ATM: variants seen among roughly 807,000 people sequenced by gnomAD.
The protein encoded by ATM is ATM serine/threonine kinase, also known as serine-protein kinase ATM.
A neutral mutation model predicts 387.0 loss-of-function variants in ATM; 308 were observed. That is an observed-to-expected ratio of 0.80 (90% CI 0.73 to 0.87). The LOEUF (loss-of-function observed/expected upper bound fraction) is 0.87, where lower values mean the gene tolerates loss of function less well. Ranked by LOEUF, ATM falls within the 40% of genes least tolerant of loss-of-function variation. ATM has a pLI of 0.00. For synonymous variants in ATM, 1,156 were observed against 1,187.3 expected, an observed-to-expected ratio of 0.97 and a Z score of 0.54; for missense variants, 3,312 against 3,560.9, an observed-to-expected ratio of 0.93 and a Z score of 1.78.
At chr11:108,274,088 G>C (rs909004887) in intron 22 of ATM, among the ~76,000 whole-genome samples, 1 of 152,112 alleles carries the variant, frequency 6.6e-6, no homozygotes, top group Non-Finnish European at 1.5e-5. Flanking sequence ...ACTTCTTCCT[G>C]CTTTAGTTGG....
At chr11:108,263,944 C>G (rs1219353494) in intron 16 of ATM, among the ~76,000 whole-genome samples, 19 of 148,974 alleles carry the variant, frequency 1.3e-4, no homozygotes, top group Admixed American at 3.3e-4. Flanking sequence ...GAAGTTGAAT[C>G]TCTGAATAGA....
intron 56 of ATM, among the ~76,000 whole-genome samples, chr11:108,337,197 A>T (rs768531107): frequency 2.0e-5 from 3 of 152,242 alleles, no homozygotes; most frequent in Non-Finnish European, 4.4e-5. Flanking sequence ...GACTAAATAT[A>T]AAACTTATTG....
At chr11:108,279,998 A>G (rs1221812323) in intron 23 of ATM, among the ~76,000 whole-genome samples, 5 of 152,218 alleles carry the variant, frequency 3.3e-5, no homozygotes, top group African/African-American at 1.2e-4. Context: ...TGGTGTTTAC[A>G]GTGAAACTTG....
intron 22 of ATM, among the ~76,000 whole-genome samples, chr11:108,278,141 C>T (rs546921027): frequency 3.3e-5 from 5 of 152,202 alleles, no homozygotes; most frequent in African/African-American, 1.2e-4. Flanking sequence ...CTATATTGTT[C>T]AGCAGTCACA....
chr11:108,229,903 G>T, intron 4 of ATM: 1 of 150,456 alleles, frequency 6.6e-6, no homozygotes, highest in South Asian at 2.0e-4. Flanking sequence ...GGCTGATCTT[G>T]AACTCCTGGC....
At chr11:108,269,056 A>G (rs967140741) in intron 18 of ATM, among the ~76,000 whole-genome samples, 2 of 152,188 alleles carry the variant, frequency 1.3e-5, no homozygotes, top group Admixed American at 6.5e-5. Flanking sequence ...CTCTCTCCAC[A>G]CACACACTCA....
At chr11:108,356,853 C>CT (rs2089998771) in intron 61 of ATM, among the ~76,000 whole-genome samples, 1 of 152,182 alleles carries the variant, frequency 6.6e-6, no homozygotes, top group Non-Finnish European at 1.5e-5. Flanking sequence ...TTTGGATTTC[C>CT]TTTGAGTGAG....
At chr11:108,230,249 C>T (rs986698428) in intron 4 of ATM, 3 of 152,254 alleles carry the variant, frequency 2.0e-5, no homozygotes, top group South Asian at 2.1e-4. Flanking sequence ...AACCCCGTCT[C>T]TACTAAAAAT....
At chr11:108,353,556 G>A (rs751238925) in intron 59 of ATM, among the ~76,000 whole-genome samples, 1 of 152,188 alleles carries the variant, frequency 6.6e-6, no homozygotes, top group Non-Finnish European at 1.5e-5. Flanking sequence ...GGGTTAAGAA[G>A]TAGTTAGGTT....
Position 108,294,939 on chromosome 11 carries a change from T to C in ATM, c.4789T>C (p.Phe1597Leu), listed in dbSNP as rs749004718. ...PFSLLEEINH[F>L]LSVSVYDALP... ...TTTTCTCTTTTAGGAAATTAACCAT[T>C]TTCTCTCAGTAAGTGTTTATGATGC... is the stretch of plus-strand genomic sequence containing the variant. The change falls in exon 32 of 63, where the codon TTT (phenylalanine) becomes CTT (leucine). Residue 1597 changes from phenylalanine to leucine, a missense_variant. Around this residue, in one of 4 missense-constraint regions of ATM, gnomAD observed 1,405 missense variants for 1,604.4 expected, o/e 0.88. Coordinates refer to ENST00000675843, the MANE Select transcript of ATM (RefSeq NM_000051.4). The C allele has an allele frequency of 6.2e-7, 1 of 1,613,824 alleles. No homozygotes were observed. The highest frequency in any genetic ancestry group is 1.1e-5 in the South Asian group (1 of 91,076).
At position 108,272,705 on chromosome 11, in the gene ATM, C is replaced by T. The variant is rs2135569126; in HGVS notation, c.3154-17C>T. 1 of 1,613,812 alleles carries T rather than the reference C, an allele frequency of 6.2e-7. No homozygotes were observed. Among genetic ancestry groups the T allele is most frequent in the Non-Finnish European group, 8.5e-7 (1 of 1,179,824 alleles). On this transcript the variant is annotated splice_polypyrimidine_tract_variant and intron_variant, in intron 21 of 62. Transcript: ENST00000675843. Reference sequence around the variant, plus strand: ...TTTTTCTCTATTTCATATTTAACCACAGTTCTTTTCCCGTAGGCTGATCCT... The same window carrying T: ...TTTTTCTCTATTTCATATTTAACCATAGTTCTTTTCCCGTAGGCTGATCCT...
At chr11:108,268,081 C>T (rs1416694179) in intron 17 of ATM, among the ~76,000 whole-genome samples, 1 of 152,138 alleles carries the variant, frequency 6.6e-6, no homozygotes, top group Non-Finnish European at 1.5e-5. Flanking sequence ...TTAATGGCTT[C>T]ACCATTTTTC....
At chr11:108,270,067 A>G (rs917972760) in intron 18 of ATM, among the ~76,000 whole-genome samples, 2 of 152,194 alleles carry the variant, frequency 1.3e-5, no homozygotes, top group Non-Finnish European at 2.9e-5. Flanking sequence ...ATATTATTCT[A>G]TATGTAAATA....
intron 5 of ATM, among the ~76,000 whole-genome samples, chr11:108,237,103 A>G (rs1403425575): frequency 6.6e-6 from 1 of 152,178 alleles, no homozygotes; most frequent in Non-Finnish European, 1.5e-5. Flanking sequence ...ACTACTACCT[A>G]ATCAGTACCC....
At chr11:108,333,333 TG>T (rs2086485752) in intron 53 of ATM, among the ~76,000 whole-genome samples, 1 of 152,232 alleles carries the variant, frequency 6.6e-6, no homozygotes, top group South Asian at 2.1e-4. Context: ...TTATTATTCT[TG>T]CTGTGTCAGT....
Position 108,335,113 on chromosome 11 carries a change from A to T in ATM, c.8151+4A>T, listed in dbSNP as rs1294982909. 6.2e-7 allele frequency: 1 copy of T among 1,614,018 alleles called. No homozygotes were observed. The highest frequency in any genetic ancestry group is 1.1e-5 in the South Asian group (1 of 91,078). ...GGAGAGGAGACAGCTTGTTAAGGTG[A>T]GCCTTCCCTTCTCTGGCTTAGCCCT... On this transcript the variant is annotated splice_donor_region_variant and intron_variant, in intron 55 of 62. Coordinates refer to ENST00000675843, the MANE Select transcript of ATM (RefSeq NM_000051.4).
chr11:108,246,199 G>C (rs1375934690), intron 7 of ATM, among the ~76,000 whole-genome samples: 1 of 152,116 alleles, frequency 6.6e-6, no homozygotes, highest in East Asian at 1.9e-4. Flanking sequence ...TAGATAATAT[G>C]TAGCCCATGA....
In ATM at chr11:108,368,866, A is replaced by C. The variant is rs2091462735; in HGVS notation, c.*3358A>C. On this transcript the variant is annotated 3_prime_UTR_variant, in exon 63 of 63. Coordinates refer to ENST00000675843, the MANE Select transcript of ATM (RefSeq NM_000051.4). ...ATGCTAAAAATTTAAATATGGTCTA[A>C]AGCAAATAAAAGCAAAGAGGAAAAA... The C allele has an allele frequency of 5.0e-6, 1 of 199,654 alleles. No homozygotes were observed. Among genetic ancestry groups the C allele is most frequent in the Non-Finnish European group, 1.0e-5 (1 of 96,764 alleles). 12.4% of individuals were successfully genotyped at this position (199,654 alleles called of 1,614,324 possible).
At chr11:108,318,722 A>G (rs562445258) in intron 43 of ATM, among the ~76,000 whole-genome samples, 3 of 152,200 alleles carry the variant, frequency 2.0e-5, no homozygotes, top group African/African-American at 7.2e-5. Flanking sequence ...TTACCCAGGA[A>G]GATAACATTT....
Sources: gnomAD v4.1 joint callset for allele counts (sites outside exome capture counted in the v4.1 genomes callset) on GRCh38, gnomAD v4.1.1 for gene constraint, gnomAD v4.1.1 regional missense constraint, MANE v1.5 for transcripts, NCBI Gene and HGNC (gene_info 2026-07-23, HGNC 2026-07-21) for gene names.